CTNND2: variants seen among roughly 807,000 people sequenced by gnomAD.
CTNND2 encodes the protein catenin delta 2.
Under a neutral mutation model 144.4 loss-of-function variants are expected in CTNND2, and 22 were observed. The observed-to-expected ratio is 0.15, with a 90% confidence interval of 0.11 to 0.22. The LOEUF (loss-of-function observed/expected upper bound fraction) is 0.22, where lower values mean the gene tolerates loss of function less well. Among genes scored for constraint, CTNND2 ranks in the 10% least tolerant of loss-of-function variants. The probability of loss-of-function intolerance (pLI) is 1.00; values close to 1 mark genes in which losing one functional copy is unlikely to be tolerated. For synonymous variants in CTNND2, 751 were observed against 695.6 expected (o/e 1.08, Z -1.25); for missense variants, 1,353 against 1,618.8 (o/e 0.84, Z 2.82).
intron 1 of CTNND2, among the ~76,000 whole-genome samples, chr5:11,898,720 G>A (rs1737608761): frequency 6.6e-6 from 1 of 151,962 alleles, no homozygotes; most frequent in African/African-American, 2.4e-5. Flanking sequence ...ACCCAGTAAG[G>A]CCTTTTATCA....
chr5:11,824,956 A>T (rs1031221444), intron 1 of CTNND2, among the ~76,000 whole-genome samples: 2 of 151,596 alleles, frequency 1.3e-5, no homozygotes, highest in African/African-American at 4.8e-5. Flanking sequence ...TAGTGAACTG[A>T]GGATAATACT....
At chr5:11,641,561 CATACATATACGTGTGTATGTAT>C (rs1312084746) in intron 2 of CTNND2, among the ~76,000 whole-genome samples, 4 of 132,920 alleles carry the variant, frequency 3.0e-5, no homozygotes, top group Admixed American at 2.1e-4. Context: ...GGGATATGTA[CATACATATACGTGTGTATGTAT>C]ATACATATAC....
chr5:11,342,023 A>G (rs1442470602), intron 9 of CTNND2, among the ~76,000 whole-genome samples: 1 of 152,022 alleles, frequency 6.6e-6, no homozygotes, highest in African/African-American at 2.4e-5. Context: ...AAATAAAAGC[A>G]TTTTTATAGT....
At chr5:11,246,143 C>T (rs1199283579) in intron 9 of CTNND2, among the ~76,000 whole-genome samples, 2 of 152,174 alleles carry the variant, frequency 1.3e-5, no homozygotes, top group African/African-American at 4.8e-5. Flanking sequence ...GCAAAGGTTC[C>T]TATTCTTGGG....
intron 1 of CTNND2, among the ~76,000 whole-genome samples, chr5:11,882,512 T>A (rs990770393): frequency 1.3e-5 from 2 of 151,912 alleles, no homozygotes; most frequent in Non-Finnish European, 2.9e-5. Flanking sequence ...AATATATATA[T>A]ATAGTTTTCC....
At chr5:11,024,995 G>A (rs1033557415) in intron 16 of CTNND2, among the ~76,000 whole-genome samples, 6 of 152,152 alleles carry the variant, frequency 3.9e-5, no homozygotes, top group African/African-American at 1.4e-4. Flanking sequence ...AAAAGACCAG[G>A]AGTCACTGTT....
At chr5:11,524,852 GA>G (rs996714722) in intron 3 of CTNND2, among the ~76,000 whole-genome samples, 13 of 151,766 alleles carry the variant, frequency 8.6e-5, no homozygotes, top group African/African-American at 3.1e-4. Flanking sequence ...TCATGCAAAG[GA>G]AGCAAACCTT....
chr5:11,606,702 T>C (rs2126358139), intron 2 of CTNND2, among the ~76,000 whole-genome samples: 1 of 152,246 alleles, frequency 6.6e-6, no homozygotes, highest in South Asian at 2.1e-4. Flanking sequence ...GTCATAAACA[T>C]ATCAATGATG....
intron 2 of CTNND2, among the ~76,000 whole-genome samples, chr5:11,713,753 C>G (rs1393533056): frequency 2.0e-5 from 3 of 152,058 alleles, no homozygotes; most frequent in Non-Finnish European, 4.4e-5. Flanking sequence ...AAATGTAACA[C>G]AGAGCCTTAA....
chr5:11,671,803 T>C (rs959569941), intron 2 of CTNND2, among the ~76,000 whole-genome samples: 3 of 152,094 alleles, frequency 2.0e-5, no homozygotes, highest in Non-Finnish European at 4.4e-5. Flanking sequence ...TCATTCTCCA[T>C]CCAGTTTTGT....
chr5:11,432,291 A>G (rs931455767), intron 3 of CTNND2, among the ~76,000 whole-genome samples: 10 of 150,638 alleles, frequency 6.6e-5, no homozygotes, highest in South Asian at 2.1e-4. Context: ...AAAAAAAAAA[A>G]AGAGACCCAA....
chr5:11,431,777 C>T (rs898235587), intron 3 of CTNND2, among the ~76,000 whole-genome samples: 1 of 151,974 alleles, frequency 6.6e-6, no homozygotes, highest in Non-Finnish European at 1.5e-5. Context: ...CCAGACATGC[C>T]CTGCTTGCAT....
At chr5:11,558,549 T>G (rs1776427859) in intron 3 of CTNND2, among the ~76,000 whole-genome samples, 2 of 152,262 alleles carry the variant, frequency 1.3e-5, no homozygotes, top group South Asian at 4.2e-4. Flanking sequence ...GTATTTTTTT[T>G]TGTAGAGATG....
At chr5:11,481,968 T>C (rs73742843) in intron 3 of CTNND2, among the ~76,000 whole-genome samples, 52 of 152,298 alleles carry the variant, frequency 3.4e-4, no homozygotes, top group African/African-American at 1.1e-3. Context: ...CACAATCTTT[T>C]GCAAAGAACA....
chr5:11,113,523 A>G (rs1753225813), intron 13 of CTNND2, among the ~76,000 whole-genome samples: 1 of 152,222 alleles, frequency 6.6e-6, no homozygotes, highest in South Asian at 2.1e-4. Context: ...GTTAAGACAA[A>G]GCTGACCTTT....
intron 1 of CTNND2, among the ~76,000 whole-genome samples, chr5:11,794,357 C>T (rs1400410858): frequency 1.3e-5 from 2 of 152,154 alleles, no homozygotes; most frequent in African/African-American, 4.8e-5. Flanking sequence ...AATGGTGTAT[C>T]AACGTGAAAC....
chr5:11,880,397 A>C (rs982560687), intron 1 of CTNND2, among the ~76,000 whole-genome samples: 7 of 151,896 alleles, frequency 4.6e-5, no homozygotes, highest in Non-Finnish European at 7.4e-5. Flanking sequence ...AATTTTAAAG[A>C]GTTAATAAGT....
At chr5:11,022,512 C>T (rs1742358055) in intron 17 of CTNND2, among the ~76,000 whole-genome samples, 1 of 152,204 alleles carries the variant, frequency 6.6e-6, no homozygotes, top group South Asian at 2.1e-4. Context: ...GGAACAACAA[C>T]AAAATACCTT....
intron 5 of CTNND2, among the ~76,000 whole-genome samples, chr5:11,397,900 T>C (rs891232299): frequency 6.6e-6 from 1 of 152,204 alleles, no homozygotes; most frequent in African/African-American, 2.4e-5. Context: ...TAATTATACG[T>C]TGCATATGAA....
Sources: allele counts gnomAD v4.1 joint callset (sites outside exome capture counted in the v4.1 genomes callset), GRCh38; gene constraint gnomAD v4.1.1; transcripts MANE v1.5; gene names NCBI Gene and HGNC (gene_info 2026-07-23, HGNC 2026-07-21).